The following IFNLR1 variants were observed in gnomAD, a reference collection of about 807,000 sequenced individuals.
IFNLR1 encodes the protein interferon lambda receptor 1, also known as CRF2-12.
A neutral mutation model predicts 52.5 loss-of-function variants in IFNLR1; 28 were observed. The observed-to-expected ratio is 0.53, with a 90% CI of 0.40 to 0.73. IFNLR1 has a LOEUF of 0.73. Ranked by LOEUF, IFNLR1 falls within the 30% of genes least tolerant of loss-of-function variation. The pLI, the probability that IFNLR1 is intolerant of heterozygous loss-of-function variation, is 0.00. For synonymous variants in IFNLR1, 276 were observed against 274.9 expected (o/e 1.00, Z -0.04); for missense variants, 623 against 659.1 (o/e 0.95, Z 0.60).
chr1:24,177,546 C>T (rs1176097536), intron 2 of IFNLR1, among the ~76,000 whole-genome samples: 1 of 152,226 alleles, frequency 6.6e-6, no homozygotes, highest in South Asian at 2.1e-4. Flanking sequence ...CACCATCTGC[C>T]ACCTGCTTTC....
chr1:24,173,624 C>T (rs995770467), intron 2 of IFNLR1, among the ~76,000 whole-genome samples: 1 of 151,398 alleles, frequency 6.6e-6, no homozygotes, highest in Non-Finnish European at 1.5e-5. Context: ...CCTTCCCTCC[C>T]TCTCTTTCTT....
chr1:24,162,896 C>CTTCG (rs1644476034), intron 3 of IFNLR1, among the ~76,000 whole-genome samples: 1 of 74,626 alleles, frequency 1.3e-5, no homozygotes, highest in Non-Finnish European at 2.6e-5. Context: ...TCCTTCCTTC[C>CTTCG]TTCCTTCCTT....
chr1:24,159,374 C>A, intron 5 of IFNLR1, 100 bp downstream of exon 5: 1 of 1,312,632 alleles, frequency 7.6e-7, no homozygotes, highest in South Asian at 1.3e-5. Context: ...GGTTTTAATC[C>A]AGGCGAGTCT....
chr1:24,157,034 A>G lies in IFNLR1; in HGVS notation c.*96T>C. The G allele has an allele frequency of 2.1e-6, 3 of 1,408,228 alleles. No homozygotes were observed. The East Asian group carries it at 6.9e-5, about 32-fold the overall frequency. 87.2% of individuals were successfully genotyped at this position (1,408,228 alleles called of 1,614,324 possible). A position where few individuals can be genotyped will look rare whatever the true frequency, so the allele number is the denominator to read the frequency against. ...GAAGTGCAATGCCCCTCCGCCGCCC[A>G]GGGGAGGTACGGAGGCTCTTGAGTT... is the stretch of plus-strand genomic sequence containing the variant. On this transcript the variant is annotated 3_prime_UTR_variant, in exon 7 of 7. Coordinates refer to ENST00000327535, the MANE Select transcript of IFNLR1 (RefSeq NM_170743.4). The surrounding 1 kb of genome is among the most constrained non-coding windows in gnomAD (Gnocchi z 5.1).
In IFNLR1 at chr1:24,162,751, TC is replaced by T. The variant is rs1553162179; in HGVS notation, c.368-1068del. On this transcript the variant is annotated intron_variant, in intron 3 of 6. Transcript: ENST00000327535. ...TTCTTTCTTTCTTTCTTTCTTTCTT[TC>T]TTTCTTTCTTTCTTTCTTTCTTTCT... 4.7e-3 allele frequency among the ~76,000 whole-genome samples: 125 copies of T among 26,856 alleles called. 1 individual carries two copies. The highest frequency in any genetic ancestry group is 6.8e-3 in the African/African-American group (48 of 7,036). 17.6% of individuals were successfully genotyped at this position (26,856 alleles called of 152,430 possible).
At chr1:24,169,921 A>G (rs1644561915) in intron 2 of IFNLR1, among the ~76,000 whole-genome samples, 1 of 152,124 alleles carries the variant, frequency 6.6e-6, no homozygotes, top group South Asian at 2.1e-4. Context: ...TGCTATTCCT[A>G]GTACTAGCGA....
At chr1:24,159,726 G>GTTTTTTTTTTTGTT in intron 4 of IFNLR1, 93 bp from the exon 5 acceptor site, 1 of 761,910 alleles carries the variant, frequency 1.3e-6, no homozygotes, top group Non-Finnish European at 2.0e-6. Context: ...ATGGTAGGGT[G>GTTTTTTTTTTTGTT]TTTTTTTTTT....
intron 1 of IFNLR1, among the ~76,000 whole-genome samples, chr1:24,182,704 G>A (rs575455152): frequency 3.3e-5 from 5 of 152,046 alleles, no homozygotes; most frequent in Admixed American, 1.3e-4. Context: ...GGCAGATCCC[G>A]AGGTCAGGAG....
Position 24,180,720 on chromosome 1 carries a change from G to T in IFNLR1, c.182+11C>A. The T allele has an allele frequency of 6.5e-7, 1 of 1,530,228 alleles. No individual in the cohort carries two copies. The highest frequency in any genetic ancestry group is 8.9e-7 in the Non-Finnish European group (1 of 1,125,448). 94.8% of individuals were successfully genotyped at this position (1,530,228 alleles called of 1,614,324 possible). On this transcript the variant is annotated intron_variant, in intron 2 of 6. Transcript: ENST00000327535. ...GTCTTCCCATCCACCAGCCGAGAGAGTCCCCTCTACCTCTGATAGGCCACA... is the reference window on the plus strand; with the variant it reads ...GTCTTCCCATCCACCAGCCGAGAGATTCCCCTCTACCTCTGATAGGCCACA...
Position 24,159,530 on chromosome 1 carries a change from C to T in IFNLR1, c.614G>A (p.Ser205Asn). ...AGAGAACTTGCTGTATTTCGGGACA[C>T]TGAACGTGTAGATGGTTCTGGCACT... is the stretch of plus-strand genomic sequence containing the variant. ...CLSARTIYTFSVPKYSKFSKP... is the reference protein window; with the variant it reads ...CLSARTIYTFNVPKYSKFSKP... Residue 205 changes from serine to asparagine, a missense_variant, in exon 5 of 7, where the codon AGT (serine) becomes AAT (asparagine). Physicochemically the swap from Ser to Asn is conservative, Grantham distance 46. Transcript: ENST00000327535. 1 of 1,614,168 alleles carries T rather than the reference C, an allele frequency of 6.2e-7. No homozygotes were observed. Among genetic ancestry groups the T allele is most frequent in the Non-Finnish European group, 8.5e-7 (1 of 1,180,032 alleles).
chr1:24,180,977 C>A, intron 1 of IFNLR1, 123 bp from the exon 2 acceptor site: 1 of 981,276 alleles, frequency 1.0e-6, no homozygotes, highest in Admixed American at 2.6e-5. Context: ...AACCAGGAGC[C>A]ACTGACTGGC....
chr1:24,154,335 C>T lies in IFNLR1; in HGVS notation c.*2795G>A, dbSNP rs1246927038. The T allele has an allele frequency of 6.6e-6, 1 of 152,206 alleles. No individual in the cohort carries two copies. Among genetic ancestry groups the T allele is most frequent in the East Asian group, 1.9e-4 (1 of 5,204 alleles). The allele number at this position is 152,206 out of a possible 1,614,324, so 9.4% of individuals were successfully genotyped here. On this transcript the variant is annotated 3_prime_UTR_variant, in exon 7 of 7. Coordinates refer to ENST00000327535, the MANE Select transcript of IFNLR1 (RefSeq NM_170743.4). ...TCTAAAGGGATACATGTTGCTTTCA[C>T]CTAAGGCACTAACACTTTTCACGGG...
chr1:24,176,536 C>T (rs985082406), intron 2 of IFNLR1, among the ~76,000 whole-genome samples: 30 of 152,292 alleles, frequency 2.0e-4, no homozygotes, highest in Admixed American at 6.5e-4. Flanking sequence ...TAATTCAGCA[C>T]GGCAAGCTAT....
At position 24,187,273 on chromosome 1, in the gene IFNLR1, C is replaced by T; in HGVS notation, c.-25G>A. ...TGGCCTTCCTGCCGCGGCGTCCCCG[C>T]CCGGGCCCAGGTCCCCGCCTCCCGC... On this transcript the variant is annotated 5_prime_UTR_variant, in exon 1 of 7. Coordinates refer to ENST00000327535, the MANE Select transcript of IFNLR1 (RefSeq NM_170743.4). The T allele has an allele frequency of 7.9e-7, 1 of 1,260,986 alleles. No homozygotes were observed. The highest frequency in any genetic ancestry group is 1.0e-6 in the Non-Finnish European group (1 of 1,000,904). The allele number at this position is 1,260,986 out of a possible 1,614,324, so 78.1% of individuals were successfully genotyped here. A position where few individuals can be genotyped will look rare whatever the true frequency, so the allele number is the denominator to read the frequency against.
intron 1 of IFNLR1, among the ~76,000 whole-genome samples, chr1:24,183,621 A>C (rs1557654355): frequency 6.6e-6 from 1 of 152,218 alleles, no homozygotes; most frequent in African/African-American, 2.4e-5. Context: ...CCTTCAGTCC[A>C]TTCTCCACAT....
chr1:24,162,044 A>G (rs1214836705), intron 3 of IFNLR1, among the ~76,000 whole-genome samples: 2 of 152,142 alleles, frequency 1.3e-5, no homozygotes, highest in African/African-American at 2.4e-5. Context: ...ATAACAAATT[A>G]CCACACACAC....
intron 1 of IFNLR1, among the ~76,000 whole-genome samples, chr1:24,181,366 C>T (rs2148603429): frequency 6.6e-6 from 1 of 152,326 alleles, no homozygotes; most frequent in South Asian, 2.1e-4. Context: ...CTCAGATGGT[C>T]CAAGCCAGTG....
At chr1:24,166,426 T>C (rs1183914410) in intron 3 of IFNLR1, among the ~76,000 whole-genome samples, 3 of 152,138 alleles carry the variant, frequency 2.0e-5, no homozygotes, top group Non-Finnish European at 4.4e-5. Flanking sequence ...CTTCCTTCCT[T>C]CCTTGCTTCT....
chr1:24,174,168 A>G (rs923850149), intron 2 of IFNLR1, among the ~76,000 whole-genome samples: 26 of 152,244 alleles, frequency 1.7e-4, no homozygotes, highest in Admixed American at 1.6e-3. Context: ...GTGAGGACAC[A>G]GCAAGAAGGC....
Sources: gnomAD v4.1 joint callset for allele counts (sites outside exome capture counted in the v4.1 genomes callset) on GRCh38, gnomAD v4.1.1 for gene constraint, Gnocchi (gnomAD v3.1) non-coding constraint, MANE v1.5 for transcripts, NCBI Gene and HGNC (gene_info 2026-07-23, HGNC 2026-07-21) for gene names.